COL5A3: variants seen among roughly 807,000 people sequenced by gnomAD.
The protein encoded by COL5A3 is collagen type V alpha 3 chain, also known as collagen alpha-3(V) chain.
Under a neutral mutation model 250.0 loss-of-function variants are expected in COL5A3, and 172 were observed. The ratio of observed to expected loss-of-function variants is 0.69; its 90% CI spans 0.61 to 0.78. COL5A3 has a LOEUF of 0.78. Ranked by LOEUF, COL5A3 falls within the 30% of genes least tolerant of loss-of-function variation. The pLI is 0.00. For synonymous variants in COL5A3, 937 were observed against 900.4 expected (o/e 1.04, Z -0.73); for missense variants, 2,340 against 2,334.4 (o/e 1.00, Z -0.05).
chr19:9,981,164 G>T, intron 32 of COL5A3, 32 bp from the exon 33 acceptor site: 1 of 1,608,006 alleles, frequency 6.2e-7, no homozygotes. Flanking sequence ...GAAAGCAGAA[G>T]AGAGTTAGGG....
intron 46 of COL5A3, 21 bp from the exon 47 acceptor site, chr19:9,974,245 A>G: frequency 6.2e-7 from 1 of 1,613,562 alleles, no homozygotes; most frequent in South Asian, 1.1e-5. Context: ...AAGAAGCAAG[A>G]TTGGGGCACC....
chr19:9,977,312 C>T (rs1455864176), intron 43 of COL5A3, 30 bp from the exon 44 acceptor site: 1 of 1,613,602 alleles, frequency 6.2e-7, no homozygotes, highest in African/African-American at 1.3e-5. Flanking sequence ...AAGGACCCAG[C>T]TTCCATTCAC....
At chr19:10,010,227 T>G in intron 1 of COL5A3, 71 bp downstream of exon 1, 5 of 231,566 alleles carry the variant, frequency 2.2e-5, no homozygotes, top group South Asian at 1.2e-4. Flanking sequence ...TCCACCCCCC[T>G]CCACCCCTCG....
intron 19 of COL5A3, among the ~76,000 whole-genome samples, 153 bp from the exon 20 acceptor site, chr19:9,993,220 C>A (rs561131860): frequency 6.6e-6 from 1 of 152,314 alleles, no homozygotes; most frequent in African/African-American, 2.4e-5. Context: ...ATTCAGGCCC[C>A]TGACTCCAAT....
chr19:9,991,220 C>T (rs750317225), intron 24 of COL5A3, among the ~76,000 whole-genome samples: 7 of 152,074 alleles, frequency 4.6e-5, no homozygotes, highest in South Asian at 2.1e-4. Flanking sequence ...CCAGCCTGGG[C>T]GACAGAGTGA....
At position 9,991,658 on chromosome 19, in the gene COL5A3, G is replaced by T. The variant is rs2087192065; in HGVS notation, c.1948-4C>A. 6.2e-7 allele frequency: 1 copy of T among 1,612,492 alleles called. No homozygotes were observed. Among genetic ancestry groups the T allele is most frequent in the African/African-American group, 1.3e-5 (1 of 74,926 alleles). On this transcript the variant is annotated splice_region_variant and splice_polypyrimidine_tract_variant and intron_variant, in intron 23 of 66. Transcript: ENST00000264828. Reference sequence around the variant, plus strand: ...GTCCCTGGGGACCGGGGAGTCCCTGGAGACAGAAAAAGAAGATGAGAGAAG... The same window carrying T: ...GTCCCTGGGGACCGGGGAGTCCCTGTAGACAGAAAAAGAAGATGAGAGAAG...
In COL5A3 at chr19:10,010,375, C is replaced by G; in HGVS notation, c.11G>C (p.Arg4Pro). Reference sequence around the variant, plus strand: ...GGCCCGCGGCTGGCCCAGGTCCCGGCGGTTCCCCATCCCGGCGGGGCCCAC... The same window carrying G: ...GGCCCGCGGCTGGCCCAGGTCCCGGGGGTTCCCCATCCCGGCGGGGCCCAC... MGN[R>P]RDLGQPRAGL... The change falls in exon 1 of 67, where the codon CGC (arginine) becomes CCC (proline). Residue 4 changes from arginine to proline, a missense_variant. This residue lies in a region of COL5A3 where 1,152 missense variants were observed against 1,146.3 expected (regional missense o/e 1.00). Transcript: ENST00000264828. The G allele has an allele frequency of 6.9e-7, 1 of 1,450,148 alleles. No homozygotes were observed. The highest frequency in any genetic ancestry group is 3.0e-5 in the East Asian group (1 of 33,260). 89.8% of individuals were successfully genotyped at this position (1,450,148 alleles called of 1,614,324 possible). A position where few individuals can be genotyped will look rare whatever the true frequency, so the allele number is the denominator to read the frequency against.
chr19:9,982,607 G>A (rs1195596895), intron 31 of COL5A3, among the ~76,000 whole-genome samples: 3 of 152,112 alleles, frequency 2.0e-5, no homozygotes, highest in Non-Finnish European at 4.4e-5. Context: ...CCTGGCACAC[G>A]GTGAGTGCTT....
At chr19:9,961,746 G>T (rs2086675958) in intron 65 of COL5A3, among the ~76,000 whole-genome samples, 1 of 152,016 alleles carries the variant, frequency 6.6e-6, no homozygotes, top group Non-Finnish European at 1.5e-5. Flanking sequence ...TTTTAGTAGA[G>T]ACGGGGTTTC....
chr19:10,005,915 C>T lies in COL5A3; in HGVS notation c.318G>A (p.Leu106=), dbSNP rs755209754. 4.3e-6 allele frequency: 7 copies of T among 1,614,068 alleles called. No homozygotes were observed. In the Admixed American group the frequency reaches 1.2e-4, roughly 27 times the overall value. The change falls in exon 3 of 67, where the codon CTG becomes CTA. Residue 106 remains leucine (L), a synonymous_variant. Transcript: ENST00000264828. The stretch of plus-strand genomic sequence containing the variant: ...CACCCCTTTCATCATAAATGGACAG[C>T]AGGACAGACTGATTGGCTGGCTGTC... ...LRGQPANQSV[L]LSIYDERGAR... is the part of the protein sequence containing the mutation.
Position 9,980,012 on chromosome 19 carries a change from A to C in COL5A3, c.2640T>G (p.Pro880=). 1 of 1,588,536 alleles carries C rather than the reference A, an allele frequency of 6.3e-7. No homozygotes were observed. Among genetic ancestry groups the C allele is most frequent in the Non-Finnish European group, 8.5e-7 (1 of 1,173,486 alleles). Residue 880 remains proline, a synonymous_variant, in exon 36 of 67, where the codon CCT becomes CCG. Transcript: ENST00000264828. Reference sequence around the variant, plus strand: ...CACTCACAGGGGGGCCCTTTGGCCCAGGGAATCCTGGAGGGCCTTGCAGAC... The same window carrying C: ...CACTCACAGGGGGGCCCTTTGGCCCCGGGAATCCTGGAGGGCCTTGCAGAC... The part of the protein sequence containing the change: ...LPGLQGPPGF[P]GPKGPPGHQG...
rs372909666 is a variant in COL5A3, at chr19:9,989,423, A to C, written c.2046+46T>G. 1.9e-6 allele frequency: 3 copies of C among 1,613,700 alleles called. No individual in the cohort carries two copies. In the African/African-American group the frequency reaches 4.0e-5, roughly 22 times the overall value. On this transcript the variant is annotated intron_variant, in intron 25 of 66. Transcript: ENST00000264828. ...CCAAAACTTGCCATTCCAATTCCCA[A>C]GGCTCCCCTTTCTCCTTCCTCCTTT...
In COL5A3 at chr19:9,970,655, C is replaced by T. The variant is rs62638753; in HGVS notation, c.3903G>A (p.Gly1301=). Residue 1301 remains glycine (G), a synonymous_variant, in exon 54 of 67, where the codon GGG becomes GGA. Transcript: ENST00000264828. The stretch of plus-strand genomic sequence containing the variant: ...CGGGGGGCCCGGGGGCGCCGGGCTC[C>T]CCAGAAGCTCCAGGCGGACCCTGGA... ...VGGPGPPGAS[G]EPGAPGPPGK... is the part of the protein sequence containing the mutation. The T allele has an allele frequency of 6.2e-6, 9 of 1,451,144 alleles. No homozygotes were observed. The African/African-American group carries it at 1.0e-4, about 16-fold the overall frequency. The allele number at this position is 1,451,144 out of a possible 1,614,324, so 89.9% of individuals were successfully genotyped here. A position where few individuals can be genotyped will look rare whatever the true frequency, so the allele number is the denominator to read the frequency against.
At chr19:9,999,195 T>A (rs2087318411) in intron 8 of COL5A3, among the ~76,000 whole-genome samples, 1 of 140,184 alleles carries the variant, frequency 7.1e-6, no homozygotes, top group Admixed American at 7.3e-5. Context: ...CTTGCTTTGC[T>A]TGGCATTTTT....
rs2086981478 is a variant in COL5A3 at position 9,979,858 on chromosome 19, G to C, written c.2693C>G (p.Pro898Arg). The C allele has an allele frequency of 6.3e-7, 1 of 1,578,418 alleles. No homozygotes were observed. The highest frequency in any genetic ancestry group is 8.5e-7 in the Non-Finnish European group (1 of 1,169,946). Reference sequence around the variant, plus strand: ...ACTCACCAGTTCTCCTCTCTGTCCAGGGTGCCCTGGTCGCCCATCTTTACC... The same window carrying C: ...ACTCACCAGTTCTCCTCTCTGTCCACGGTGCCCTGGTCGCCCATCTTTACC... Reference protein sequence around the residue: ...HQGKDGRPGHPGQRGELGFQG... With the variant: ...HQGKDGRPGHRGQRGELGFQG... The change falls in exon 37 of 67, where the codon CCT becomes CGT. Residue 898 changes from proline (P) to arginine (R), a missense_variant. This residue lies in a region of COL5A3 where 1,179 missense variants were observed against 1,162.6 expected (regional missense o/e 1.01). Coordinates refer to ENST00000264828, the MANE Select transcript of COL5A3 (RefSeq NM_015719.4).
In COL5A3 at chr19:9,959,939, G is replaced by A. The variant is rs899507656; in HGVS notation, c.*472C>T. ...CGACCTCAGTCCTTTCACCGTGGAAGTAGAAAGGATCAAAGGGGGTGGGGG... is the reference window on the plus strand; with the variant it reads ...CGACCTCAGTCCTTTCACCGTGGAAATAGAAAGGATCAAAGGGGGTGGGGG... On this transcript the variant is annotated 3_prime_UTR_variant, in exon 67 of 67. Transcript: ENST00000264828. 5.5e-5 allele frequency: 9 copies of A among 164,664 alleles called. 1 individual carries two copies. Among genetic ancestry groups the A allele is most frequent in the Middle Eastern group, 6.5e-3 (2 of 310 alleles). The allele number at this position is 164,664 out of a possible 1,614,324, so 10.2% of individuals were successfully genotyped here. A position where few individuals can be genotyped will look rare whatever the true frequency, so the allele number is the denominator to read the frequency against.
Position 10,003,683 on chromosome 19 carries a change from G to A in COL5A3, c.731C>T (p.Pro244Leu). ...CCCTTTTCCCTTCCCCTTCCGCCGA[G>A]GACGAGGGGTTTCTGGTTCACCCTG... ...APQGEPETPR[P>L]RRKGKGKGRK... Residue 244 changes from proline to leucine, a missense_variant, in exon 6 of 67, where the codon CCT (proline) becomes CTT (leucine). By Grantham distance (98) the Pro-to-Leu change is moderately conservative (BLOSUM62 -3). This residue lies in a region of COL5A3 where 1,152 missense variants were observed against 1,146.3 expected (regional missense o/e 1.00). Coordinates refer to ENST00000264828, the MANE Select transcript of COL5A3 (RefSeq NM_015719.4). The A allele has an allele frequency of 6.2e-7, 1 of 1,614,130 alleles. No individual in the cohort carries two copies. The highest frequency in any genetic ancestry group is 8.5e-7 in the Non-Finnish European group (1 of 1,180,022).
In COL5A3 at chr19:9,977,450, G is replaced by C. The variant is rs750776695; in HGVS notation, c.3149C>G (p.Pro1050Arg). The C allele has an allele frequency of 6.6e-7, 1 of 1,518,878 alleles. No individual in the cohort carries two copies. The allele number at this position is 1,518,878 out of a possible 1,614,324, so 94.1% of individuals were successfully genotyped here. Residue 1050 changes from proline to arginine, a missense_variant, in exon 43 of 67, where the codon CCC becomes CGC. Coordinates refer to ENST00000264828, the MANE Select transcript of COL5A3 (RefSeq NM_015719.4). Reference protein sequence around the residue: ...GSRGERGPPGPTGKDGIPGPL... With the variant: ...GSRGERGPPGRTGKDGIPGPL... ...CCCTGGGATCCCATCTTTGCCAGTG[G>C]GGCCAGGGGGGCCACGTTCTCCCTG... is the stretch of plus-strand genomic sequence containing the variant.
At chr19:9,967,492 C>G (rs1401503060) in intron 61 of COL5A3, 92 bp from the exon 62 acceptor site, 3 of 827,192 alleles carry the variant, frequency 3.6e-6, no homozygotes, top group East Asian at 6.2e-5. Context: ...CTCACACACA[C>G]ACTCACACAC....
Sources: allele counts gnomAD v4.1 joint callset (sites outside exome capture counted in the v4.1 genomes callset), GRCh38; gene constraint gnomAD v4.1.1; regional missense constraint gnomAD v4.1.1; transcripts MANE v1.5; gene names NCBI Gene and HGNC (gene_info 2026-07-23, HGNC 2026-07-21).